Variants in HIPK2 observed in about 807,000 individuals in gnomAD.
HIPK2 encodes the protein homeodomain-interacting protein kinase 2.
HIPK2 carries 27 observed loss-of-function variants against 113.7 expected under a neutral mutation model. That is an observed-to-expected ratio of 0.24 (90% confidence interval 0.17 to 0.33). The LOEUF (loss-of-function observed/expected upper bound fraction) is 0.33, where lower values mean the gene tolerates loss of function less well. HIPK2 is among the 10% of genes least tolerant of loss of function. The pLI is 1.00. For synonymous variants in HIPK2, 631 were observed against 642.2 expected, an observed-to-expected ratio of 0.98 and a Z score of 0.26; for missense variants, 1,257 against 1,588.0, an observed-to-expected ratio of 0.79 and a Z score of 3.54.
intron 1 of HIPK2, among the ~76,000 whole-genome samples, chr7:139,724,044 ATTAATT>A (rs1795496286): frequency 6.6e-6 from 1 of 151,264 alleles, no homozygotes. Context: ...CAAAGGAAGG[ATTAATT>A]CTCATATTTA....
intron 11 of HIPK2, 125 bp downstream of exon 11, chr7:139,600,292 G>A: frequency 1.8e-6 from 2 of 1,115,162 alleles, no homozygotes; most frequent in Non-Finnish European, 2.5e-6. Flanking sequence ...TGCAGGAAGA[G>A]GAGTGCCCCC....
At chr7:139,626,577 C>T (rs774743267) in intron 6 of HIPK2, 24 bp downstream of exon 6, 13 of 1,604,140 alleles carry the variant, frequency 8.1e-6, no homozygotes, top group South Asian at 1.1e-5. Context: ...ATCCCTGGTA[C>T]GAAGCATCAG....
intron 1 of HIPK2, among the ~76,000 whole-genome samples, chr7:139,717,968 T>C (rs552016768): frequency 6.6e-6 from 1 of 152,194 alleles, no homozygotes; most frequent in East Asian, 1.9e-4. Context: ...GGTCTCAAAC[T>C]CCTGACCTCA....
At position 139,777,765 on chromosome 7, in the gene HIPK2, C is replaced by T. The variant is rs1796812076; in HGVS notation, c.-142G>A. The T allele has an allele frequency of 1.3e-6, 1 of 785,954 alleles. No homozygotes were observed. Among genetic ancestry groups the T allele is most frequent in the Non-Finnish European group, 1.6e-6 (1 of 644,336 alleles). 48.7% of individuals were successfully genotyped at this position (785,954 alleles called of 1,614,324 possible). On this transcript the variant is annotated 5_prime_UTR_variant, in exon 1 of 15. Transcript: ENST00000406875. ...CAGCCGAGGCCGCCCGCGCCCGCAT[C>T]ACCGCCTCCCGTGGCCGGCGCCGGG...
chr7:139,572,868 T>C lies in HIPK2; in HGVS notation c.*59A>G, dbSNP rs372823713. ...GGTCCCAGGAGCGCCTCCCTCCTTC[T>C]CTCCCTCCTCCCTCGGGCCATTCTC... On this transcript the variant is annotated 3_prime_UTR_variant, in exon 15 of 15. Transcript: ENST00000406875. The C allele has an allele frequency of 2.3e-6, 3 of 1,280,536 alleles. No individual in the cohort carries two copies. Among genetic ancestry groups the C allele is most frequent in the African/African-American group, 3.3e-5 (2 of 61,018 alleles). The allele number at this position is 1,280,536 out of a possible 1,614,324, so 79.3% of individuals were successfully genotyped here.
chr7:139,728,567 T>G lies in HIPK2; in HGVS notation c.20-11552A>C, dbSNP rs184607814. ...AATAAGGACATCAGTTGTATTGGGTTAGGGCCCACCCTGATGACCTCACTT... is the reference window on the plus strand; with the variant it reads ...AATAAGGACATCAGTTGTATTGGGTGAGGGCCCACCCTGATGACCTCACTT... On this transcript the variant is annotated intron_variant, in intron 1 of 14. Coordinates refer to ENST00000406875, the MANE Select transcript of HIPK2 (RefSeq NM_022740.5). 1.5e-3 allele frequency among the ~76,000 whole-genome samples: 227 copies of G among 152,348 alleles called. 1 individual carries two copies. Among genetic ancestry groups the G allele is most frequent in the East Asian group, 1.9e-4 (1 of 5,176 alleles).
intron 1 of HIPK2, among the ~76,000 whole-genome samples, chr7:139,763,447 T>C (rs1478332012): frequency 2.0e-5 from 3 of 150,424 alleles, no homozygotes; most frequent in Non-Finnish European, 4.4e-5. Flanking sequence ...AGTCTGCTTT[T>C]AGGAGTAAGA....
chr7:139,703,764 C>CG (rs1206400565), intron 2 of HIPK2, among the ~76,000 whole-genome samples: 5 of 131,820 alleles, frequency 3.8e-5, no homozygotes, highest in African/African-American at 8.6e-5. Context: ...ACACACACAC[C>CG]CACACACTAC....
chr7:139,566,991 C>T lies in HIPK2; in HGVS notation c.*5936G>A, dbSNP rs1372336620. On this transcript the variant is annotated 3_prime_UTR_variant, in exon 15 of 15. Coordinates refer to ENST00000406875, the MANE Select transcript of HIPK2 (RefSeq NM_022740.5). This position sits in a 1 kb window ranked among gnomAD's most constrained non-coding sequence, Gnocchi z 4.1. ...GAACGGCCTGGAGTTCTTTTTTGAA[C>T]TTTTCAGAAGCTGCAACAAGAGAAA... The T allele has an allele frequency of 4.6e-5, 7 of 152,146 alleles. No homozygotes were observed. The highest frequency in any genetic ancestry group is 1.7e-4 in the African/African-American group (7 of 41,424). 9.4% of individuals were successfully genotyped at this position (152,146 alleles called of 1,614,324 possible).
At chr7:139,672,980 C>A (rs191720444) in intron 2 of HIPK2, among the ~76,000 whole-genome samples, 1 of 152,148 alleles carries the variant, frequency 6.6e-6, no homozygotes, top group African/African-American at 2.4e-5. Context: ...GGAACAAAGC[C>A]CATAAGGTAA....
At chr7:139,739,823 C>T (rs1468848138) in intron 1 of HIPK2, among the ~76,000 whole-genome samples, 1 of 152,132 alleles carries the variant, frequency 6.6e-6, no homozygotes, top group Non-Finnish European at 1.5e-5. Context: ...ATGTATATGT[C>T]CATCTGGCTT....
Position 139,567,142 on chromosome 7 carries a change from T to G in HIPK2, c.*5785A>C, listed in dbSNP as rs1239141201. The G allele has an allele frequency of 6.6e-6, 1 of 152,182 alleles. No homozygotes were observed. Among genetic ancestry groups the G allele is most frequent in the Non-Finnish European group, 1.5e-5 (1 of 68,050 alleles). The allele number at this position is 152,182 out of a possible 1,614,324, so 9.4% of individuals were successfully genotyped here. A position where few individuals can be genotyped will look rare whatever the true frequency, so the allele number is the denominator to read the frequency against. The stretch of plus-strand genomic sequence containing the variant: ...TGGCCTGAGATTTTACTGAGTCTGG[T>G]CTGTGGAGATGAGAAGTGAGAGTTC... On this transcript the variant is annotated 3_prime_UTR_variant, in exon 15 of 15. Coordinates refer to ENST00000406875, the MANE Select transcript of HIPK2 (RefSeq NM_022740.5).
At chr7:139,735,202 A>G (rs565629468) in intron 1 of HIPK2, among the ~76,000 whole-genome samples, 41 of 152,354 alleles carry the variant, frequency 2.7e-4, no homozygotes, top group African/African-American at 9.6e-4. Context: ...ATACATTTAG[A>G]AGTACATGAC....
At chr7:139,698,422 T>C (rs1462298284) in intron 2 of HIPK2, among the ~76,000 whole-genome samples, 2 of 152,226 alleles carry the variant, frequency 1.3e-5, no homozygotes, top group Non-Finnish European at 2.9e-5. Flanking sequence ...TGAACATGCA[T>C]GTACAAGTAT....
intron 2 of HIPK2, among the ~76,000 whole-genome samples, chr7:139,690,140 G>A (rs1428208587): frequency 2.0e-5 from 3 of 152,154 alleles, no homozygotes; most frequent in Non-Finnish European, 2.9e-5. Context: ...CTTGGGAAAT[G>A]AGCTGCACCC....
In HIPK2 at chr7:139,716,047, T is replaced by C; in HGVS notation, c.988A>G (p.Ile330Val). 6.2e-7 allele frequency: 1 copy of C among 1,614,132 alleles called. No homozygotes were observed. Among genetic ancestry groups the C allele is most frequent in the Non-Finnish European group, 8.5e-7 (1 of 1,179,978 alleles). ...LIHADLKPEN[I>V]MLVDPSRQPY... The stretch of plus-strand genomic sequence containing the variant: ...TGTCTAGATGGATCCACCAGCATGA[T>C]GTTTTCTGGTTTGAGGTCAGCGTGG... The change falls in exon 2 of 15, where the codon ATC becomes GTC. Residue 330 changes from isoleucine to valine, a missense_variant. Physicochemically the swap from Ile to Val is conservative, Grantham distance 29. Around this residue, in one of 5 missense-constraint regions of HIPK2, gnomAD observed 84 missense variants for 182.2 expected, o/e 0.46. Coordinates refer to ENST00000406875, the MANE Select transcript of HIPK2 (RefSeq NM_022740.5). This position sits in a 1 kb window ranked among gnomAD's most constrained non-coding sequence, Gnocchi z 9.3.
Position 139,583,942 on chromosome 7 carries a change from G to A in HIPK2, c.2840C>T (p.Ala947Val). 6.2e-7 allele frequency: 1 copy of A among 1,614,072 alleles called. No individual in the cohort carries two copies. Among genetic ancestry groups the A allele is most frequent in the South Asian group, 1.1e-5 (1 of 91,090 alleles). ...SVQQRAGHNN[A>V]NAFDTKGSLE... ...GCTCCCCTTGGTGTCAAAGGCATTGGCATTGTTGTGCCCAGCACGCTGCTG... is the reference window on the plus strand; with the variant it reads ...GCTCCCCTTGGTGTCAAAGGCATTGACATTGTTGTGCCCAGCACGCTGCTG... The change falls in exon 13 of 15, where the codon GCC (alanine) becomes GTC (valine). Residue 947 changes from alanine to valine, a missense_variant. Physicochemically the swap from Ala to Val is moderately conservative, Grantham distance 64. Transcript: ENST00000406875.
intron 1 of HIPK2, among the ~76,000 whole-genome samples, chr7:139,743,310 A>G (rs1439434931): frequency 6.6e-6 from 1 of 152,230 alleles, no homozygotes; most frequent in East Asian, 1.9e-4. Flanking sequence ...TACAGTTCTC[A>G]GAATAGAGAA....
At chr7:139,655,863 T>C (rs191474926) in intron 2 of HIPK2, among the ~76,000 whole-genome samples, 69 of 152,228 alleles carry the variant, frequency 4.5e-4, no homozygotes, top group African/African-American at 1.3e-3. Flanking sequence ...TATATGATAA[T>C]TGGATGATCA....
Sources: gnomAD v4.1 joint callset for allele counts (sites outside exome capture counted in the v4.1 genomes callset) on GRCh38, gnomAD v4.1.1 for gene constraint, gnomAD v4.1.1 regional missense constraint, Gnocchi (gnomAD v3.1) non-coding constraint, MANE v1.5 for transcripts, NCBI Gene and HGNC (gene_info 2026-07-23, HGNC 2026-07-21) for gene names.